Variants in COL19A1 observed in about 807,000 individuals in gnomAD.
COL19A1 encodes the protein collagen alpha-1(XIX) chain.
COL19A1 carries 159 observed loss-of-function variants against 190.2 expected under a neutral mutation model. That is an observed-to-expected ratio of 0.84 (90% CI 0.73 to 0.95). The LOEUF (loss-of-function observed/expected upper bound fraction) is 0.95, where lower values mean the gene tolerates loss of function less well. Ranked by LOEUF, COL19A1 falls within the 40% of genes least tolerant of loss-of-function variation. The pLI, the probability that COL19A1 is intolerant of heterozygous loss-of-function variation, is 0.00. For missense variants in COL19A1, 1,418 were observed against 1,431.9 expected (o/e 0.99, Z 0.16); for synonymous variants, 509 against 458.9 (o/e 1.11, Z -1.39).
intron 22 of COL19A1, 152 bp from the exon 23 acceptor site, chr6:70,142,615 A>T: frequency 1.8e-6 from 1 of 568,556 alleles, no homozygotes; most frequent in Non-Finnish European, 3.0e-6. Flanking sequence ...AGCACATTTC[A>T]GTATTATACA....
chr6:69,921,445 C>CATATATCATATATATCAT (rs1205920817), intron 4 of COL19A1, among the ~76,000 whole-genome samples: 1 of 27,186 alleles, frequency 3.7e-5, no homozygotes, highest in African/African-American at 1.7e-4. Flanking sequence ...TCATATATAT[C>CATATATCATATATATCAT]ATATATCATA....
chr6:69,899,225 T>C (rs1769997957), intron 3 of COL19A1, among the ~76,000 whole-genome samples: 1 of 150,970 alleles, frequency 6.6e-6, no homozygotes, highest in African/African-American at 2.4e-5. Flanking sequence ...AGTGCAGTGG[T>C]GTGATCTCAG....
rs1769660801 is a variant in COL19A1 at position 69,895,468 on chromosome 6, C to A, written c.92-3480C>A. 5.3e-5 allele frequency among the ~76,000 whole-genome samples: 8 copies of A among 152,298 alleles called. No homozygotes were observed. In the South Asian group the frequency reaches 1.7e-3, roughly 32 times the overall value. ...CCATGGCCATGAAAATTCAGGCTTG[C>A]AGACAATTTGAATGGTGAGTAAGAC... On this transcript the variant is annotated intron_variant, in intron 2 of 50. Transcript: ENST00000620364.
chr6:69,953,563 G>A (rs1380913393), intron 9 of COL19A1, among the ~76,000 whole-genome samples: 1 of 151,870 alleles, frequency 6.6e-6, no homozygotes, highest in South Asian at 2.1e-4. Context: ...TAGAAGGACA[G>A]GAAAAAGAAA....
intron 6 of COL19A1, among the ~76,000 whole-genome samples, chr6:69,932,256 A>G (rs1217120120): frequency 6.6e-6 from 1 of 152,032 alleles, no homozygotes; most frequent in Non-Finnish European, 1.5e-5. Flanking sequence ...ATACCAATAT[A>G]ATATAAAATC....
chr6:70,131,126 C>T (rs1033801937), intron 18 of COL19A1: 22 of 392,260 alleles, frequency 5.6e-5, no homozygotes, highest in African/African-American at 4.0e-4. Flanking sequence ...CTGTTTGATT[C>T]TGAAATTGTA....
chr6:70,159,244 A>G (rs1463222838), intron 34 of COL19A1, among the ~76,000 whole-genome samples: 3 of 152,046 alleles, frequency 2.0e-5, no homozygotes, highest in Non-Finnish European at 4.4e-5. Flanking sequence ...AAAGAAATTT[A>G]TGGTATAACA....
chr6:69,934,810 A>T (rs1772996771), intron 7 of COL19A1, among the ~76,000 whole-genome samples: 1 of 152,056 alleles, frequency 6.6e-6, no homozygotes, highest in Admixed American at 6.6e-5. Context: ...ACTACATTTT[A>T]TGAATAGGAA....
chr6:69,970,037 C>T (rs1345396343), intron 11 of COL19A1, among the ~76,000 whole-genome samples: 1 of 152,148 alleles, frequency 6.6e-6, no homozygotes, highest in Non-Finnish European at 1.5e-5. Flanking sequence ...GTCTCAAACC[C>T]AGCCTAGATT....
At chr6:69,955,293 C>A (rs1774343168) in intron 9 of COL19A1, among the ~76,000 whole-genome samples, 2 of 152,114 alleles carry the variant, frequency 1.3e-5, no homozygotes, top group South Asian at 4.2e-4. Flanking sequence ...TTTTACCTCT[C>A]CAAGACATTT....
intron 15 of COL19A1, among the ~76,000 whole-genome samples, chr6:70,082,143 T>A (rs549438491): frequency 1.3e-5 from 2 of 152,228 alleles, no homozygotes; most frequent in African/African-American, 2.4e-5. Flanking sequence ...AATTCTAGAA[T>A]GTTGAATTTA....
chr6:69,994,829 G>T (rs967068303), intron 11 of COL19A1, among the ~76,000 whole-genome samples: 3 of 151,982 alleles, frequency 2.0e-5, no homozygotes, highest in African/African-American at 7.3e-5. Flanking sequence ...CTATCCATTT[G>T]CATCTGAGAA....
chr6:70,031,420 C>T (rs1779067126), intron 12 of COL19A1, among the ~76,000 whole-genome samples: 1 of 152,040 alleles, frequency 6.6e-6, no homozygotes, highest in South Asian at 2.1e-4. Flanking sequence ...TTACTGTATG[C>T]TTGTATCTTT....
chr6:70,161,864 T>C, intron 34 of COL19A1, 36 bp from the exon 35 acceptor site: 2 of 1,574,182 alleles, frequency 1.3e-6, no homozygotes, highest in South Asian at 2.3e-5. Context: ...TTCCCAATGA[T>C]ATAACAGATT....
chr6:69,930,798 C>T (rs1772710760), intron 6 of COL19A1, among the ~76,000 whole-genome samples: 1 of 151,774 alleles, frequency 6.6e-6, no homozygotes, highest in African/African-American at 2.4e-5. Flanking sequence ...GACTTTGTCT[C>T]AAAAAACAAA....
At chr6:70,185,006 G>A in intron 46 of COL19A1, 91 bp downstream of exon 46, 1 of 1,199,486 alleles carries the variant, frequency 8.3e-7, no homozygotes, top group Non-Finnish European at 1.2e-6. Flanking sequence ...GTAGACCCCT[G>A]CAAATCACCA....
At chr6:70,161,753 A>T (rs561187537) in intron 34 of COL19A1, 147 bp from the exon 35 acceptor site, 7 of 548,198 alleles carry the variant, frequency 1.3e-5, no homozygotes, top group Non-Finnish European at 2.1e-5. Context: ...AATTAGAATT[A>T]AAAAAGTATA....
intron 18 of COL19A1, among the ~76,000 whole-genome samples, chr6:70,136,534 G>A (rs12526836): frequency 0.034 from 5,174 of 152,196 alleles, 273 homozygotes; most frequent in African/African-American, 0.11. Flanking sequence ...GTCATAGTAT[G>A]TTATTTATGA....
chr6:70,064,068 T>C (rs1402532385), intron 14 of COL19A1, among the ~76,000 whole-genome samples: 1 of 152,192 alleles, frequency 6.6e-6, no homozygotes, highest in East Asian at 1.9e-4. Context: ...GCTGGTACCA[T>C]TCCTTCTGAA....
Sources: gnomAD v4.1 joint callset for allele counts (sites outside exome capture counted in the v4.1 genomes callset) on GRCh38, gnomAD v4.1.1 for gene constraint, MANE v1.5 for transcripts, NCBI Gene and HGNC (gene_info 2026-07-23, HGNC 2026-07-21) for gene names.